The following COL19A1 variants were observed in gnomAD, a reference collection of about 807,000 sequenced individuals.
COL19A1 encodes collagen type XIX alpha 1 chain.
A neutral mutation model predicts 190.2 loss-of-function variants in COL19A1; 159 were observed. That is an observed-to-expected ratio of 0.84 (90% CI 0.73 to 0.95). The LOEUF is 0.95. Ranked by LOEUF, COL19A1 falls within the 40% of genes least tolerant of loss-of-function variation. The probability of loss-of-function intolerance (pLI) is 0.00; values close to 1 mark genes in which losing one functional copy is unlikely to be tolerated. For synonymous variants in COL19A1, 509 were observed against 458.9 expected (o/e 1.11, Z -1.39); for missense variants, 1,418 against 1,431.9 (o/e 0.99, Z 0.16).
At chr6:70,058,201 T>C (rs1007262909) in intron 14 of COL19A1, among the ~76,000 whole-genome samples, 1 of 152,068 alleles carries the variant, frequency 6.6e-6, no homozygotes, top group Admixed American at 6.6e-5. Context: ...GGGAAAAGAT[T>C]ATGATTAAAA....
intron 48 of COL19A1, among the ~76,000 whole-genome samples, chr6:70,194,999 A>G (rs1767100682): frequency 6.6e-6 from 1 of 151,210 alleles, no homozygotes. Flanking sequence ...GAATGTGTGT[A>G]AATATGTATG....
At chr6:69,933,921 A>C (rs1251881994) in intron 7 of COL19A1, among the ~76,000 whole-genome samples, 1 of 152,078 alleles carries the variant, frequency 6.6e-6, no homozygotes, top group East Asian at 1.9e-4. Flanking sequence ...AAAAAAGTAC[A>C]GAAAGAGCAT....
intron 2 of COL19A1, among the ~76,000 whole-genome samples, chr6:69,885,108 C>A (rs957164741): frequency 6.6e-5 from 10 of 152,328 alleles, no homozygotes; most frequent in Non-Finnish European, 5.9e-5. Context: ...AAATGATCCA[C>A]CCACCTTGGC....
intron 14 of COL19A1, among the ~76,000 whole-genome samples, chr6:70,060,634 A>G (rs1456041813): frequency 2.0e-5 from 3 of 152,142 alleles, no homozygotes; most frequent in Non-Finnish European, 4.4e-5. Flanking sequence ...ATGAGAATCT[A>G]CTGCCTGATG....
At chr6:70,101,181 C>T (rs1420105490) in intron 15 of COL19A1, among the ~76,000 whole-genome samples, 3 of 152,052 alleles carry the variant, frequency 2.0e-5, no homozygotes, top group East Asian at 1.9e-4. Context: ...TTAATATGTA[C>T]AGACAGTTTA....
intron 14 of COL19A1, among the ~76,000 whole-genome samples, chr6:70,066,640 A>G (rs1781231040): frequency 1.3e-5 from 2 of 151,918 alleles, no homozygotes; most frequent in South Asian, 4.1e-4. Flanking sequence ...TATATGAAAA[A>G]AATTAAAAAT....
chr6:69,989,162 C>T (rs535987413), intron 11 of COL19A1, among the ~76,000 whole-genome samples: 1 of 152,002 alleles, frequency 6.6e-6, no homozygotes, highest in African/African-American at 2.4e-5. Flanking sequence ...AAGTTTTTTA[C>T]CCACTAATTT....
At chr6:70,050,817 A>G (rs1192503653) in intron 14 of COL19A1, among the ~76,000 whole-genome samples, 2 of 152,264 alleles carry the variant, frequency 1.3e-5, no homozygotes, top group East Asian at 1.9e-4. Flanking sequence ...TTTGTGAGAA[A>G]CAGGAATTAT....
intron 17 of COL19A1, among the ~76,000 whole-genome samples, chr6:70,123,115 AAAAC>A (rs1165653844): frequency 2.0e-5 from 3 of 152,172 alleles, no homozygotes; most frequent in African/African-American, 2.4e-5. Context: ...TTATAAGAAA[AAAAC>A]AAACAACCCC....
chr6:70,044,959 A>G (rs1487839156), intron 14 of COL19A1, among the ~76,000 whole-genome samples: 1 of 152,060 alleles, frequency 6.6e-6, no homozygotes, highest in African/African-American at 2.4e-5. Flanking sequence ...GTTATTTCCT[A>G]TCTTTTCATT....
At chr6:70,126,723 T>C (rs905123814) in intron 17 of COL19A1, among the ~76,000 whole-genome samples, 13 of 152,192 alleles carry the variant, frequency 8.5e-5, no homozygotes, top group Admixed American at 7.9e-4. Flanking sequence ...AACACAAATA[T>C]ATCATCTCAC....
At chr6:69,925,460 C>A (rs1464287429) in intron 4 of COL19A1, among the ~76,000 whole-genome samples, 1 of 152,152 alleles carries the variant, frequency 6.6e-6, no homozygotes, top group African/African-American at 2.4e-5. Flanking sequence ...TGTTTTGATA[C>A]CAGTACCATG....
At chr6:69,868,166 C>CAA (rs1767593002) in intron 1 of COL19A1, among the ~76,000 whole-genome samples, 1 of 149,302 alleles carries the variant, frequency 6.7e-6, no homozygotes, top group African/African-American at 2.5e-5. Flanking sequence ...CTGCCCGAAT[C>CAA]AAACACTGCT....
chr6:70,003,549 G>A (rs111457424), intron 11 of COL19A1, among the ~76,000 whole-genome samples: 16 of 152,110 alleles, frequency 1.1e-4, no homozygotes, highest in South Asian at 1.0e-3. Flanking sequence ...ATGAATCTGC[G>A]TGCTCCTGTA....
chr6:69,908,216 A>T (rs1289599122), intron 4 of COL19A1, among the ~76,000 whole-genome samples: 1 of 152,080 alleles, frequency 6.6e-6, no homozygotes, highest in East Asian at 1.9e-4. Context: ...CTTGTTCAGA[A>T]CTCTGATATC....
At chr6:70,171,156 G>A (rs1468818090) in intron 40 of COL19A1, among the ~76,000 whole-genome samples, 13 of 152,144 alleles carry the variant, frequency 8.5e-5, no homozygotes, top group Admixed American at 8.5e-4. Flanking sequence ...ATCTTTTTGT[G>A]TGTGATTATT....
chr6:69,955,364 T>C (rs1179863022), intron 9 of COL19A1, among the ~76,000 whole-genome samples: 2 of 152,142 alleles, frequency 1.3e-5, no homozygotes, highest in Non-Finnish European at 2.9e-5. Flanking sequence ...ACAACTTGTA[T>C]TTAATTAATT....
chr6:70,159,297 A>AT (rs943413654), intron 34 of COL19A1, among the ~76,000 whole-genome samples: 4 of 151,896 alleles, frequency 2.6e-5, no homozygotes, highest in African/African-American at 4.8e-5. Context: ...ATCAATGAAA[A>AT]TTTTTTTACT....
In COL19A1 at chr6:70,005,443, T is replaced by A. The variant is rs190414005; in HGVS notation, c.1027-18184T>A. ...AGGGCTGCTACGGTTTGCTCGGGGT[T>A]CACTTCAGGCCCTATTCATCTGGTT... On this transcript the variant is annotated intron_variant, in intron 11 of 50. Transcript: ENST00000620364. Among the ~76,000 whole-genome samples, 4 of 152,254 alleles carry A rather than the reference T, an allele frequency of 2.6e-5. 1 individual carries two copies. The East Asian group carries it at 7.7e-4, about 29-fold the overall frequency.
Sources: allele counts gnomAD v4.1 joint callset (sites outside exome capture counted in the v4.1 genomes callset), GRCh38; gene constraint gnomAD v4.1.1; transcripts MANE v1.5; gene names NCBI Gene and HGNC (gene_info 2026-07-23, HGNC 2026-07-21).